The following HEMK2 variants were observed in gnomAD, a reference collection of about 807,000 sequenced individuals.
HEMK2 encodes the protein HemK methyltransferase 2, ETF1 glutamine and histone H4 lysine, also known as methyltransferase HEMK2.
the HEMK2 span, among the ~76,000 whole-genome samples, chr21:28,620,660 C>CT: frequency 1.7e-3 from 86 of 49,650 alleles, 8 homozygotes; most frequent in East Asian, 0.014. Context: ...TCTCTCTTTT[C>CT]TTTTTTTTTT....
chr21:28,614,938 T>C, the HEMK2 span, among the ~76,000 whole-genome samples: 7 of 152,176 alleles, frequency 4.6e-5, no homozygotes, highest in Non-Finnish European at 1.0e-4. Flanking sequence ...TCCCACTCTA[T>C]ATAAAATTCC....
At chr21:28,863,352 C>CA in the HEMK2 span, among the ~76,000 whole-genome samples, 3 of 144,210 alleles carry the variant, frequency 2.1e-5, no homozygotes, top group African/African-American at 7.8e-5. Flanking sequence ...CCTCAGCCTG[C>CA]AGACGGCTTA....
At chr21:28,686,088 G>A in the HEMK2 span, among the ~76,000 whole-genome samples, 1 of 152,184 alleles carries the variant, frequency 6.6e-6, no homozygotes, top group African/African-American at 2.4e-5. Context: ...TATATGCCAG[G>A]CTGAGGCCTA....
At chr21:28,613,369 A>C in the HEMK2 span, among the ~76,000 whole-genome samples, 5 of 152,034 alleles carry the variant, frequency 3.3e-5, no homozygotes, top group South Asian at 6.2e-4. Context: ...GACTGTACAT[A>C]GCTTGCACTC....
At chr21:28,744,679 A>G in the HEMK2 span, among the ~76,000 whole-genome samples, 1 of 152,148 alleles carries the variant, frequency 6.6e-6, no homozygotes, top group Non-Finnish European at 1.5e-5. Context: ...TGAGCTGGGT[A>G]TTTTACATAC....
the HEMK2 span, among the ~76,000 whole-genome samples, chr21:28,769,381 C>A: frequency 6.6e-6 from 1 of 152,030 alleles, no homozygotes; most frequent in African/African-American, 2.4e-5. Context: ...TTTGTTTTCT[C>A]CCCCAAAATG....
At chr21:28,789,101 T>C in the HEMK2 span, among the ~76,000 whole-genome samples, 5 of 152,190 alleles carry the variant, frequency 3.3e-5, no homozygotes. Context: ...AAATAAATTT[T>C]TGTTGTTTTA....
At chr21:28,841,180 T>TATATTATATATAAA in the HEMK2 span, among the ~76,000 whole-genome samples, 1 of 23,656 alleles carries the variant, frequency 4.2e-5, no homozygotes, top group African/African-American at 2.8e-4. Flanking sequence ...AATATATAAA[T>TATATTATATATAAA]ATATATTATA....
At chr21:28,814,499 T>G in the HEMK2 span, among the ~76,000 whole-genome samples, 1 of 149,950 alleles carries the variant, frequency 6.7e-6, no homozygotes, top group African/African-American at 2.5e-5. Context: ...AAAGGGCTAA[T>G]ATCCAGAATC....
chr21:28,880,211 G>A, the HEMK2 span, among the ~76,000 whole-genome samples: 6 of 152,220 alleles, frequency 3.9e-5, no homozygotes, highest in South Asian at 1.2e-3. Flanking sequence ...TTTATATTCT[G>A]GGTTCACTTT....
chr21:28,755,105 G>A, the HEMK2 span, among the ~76,000 whole-genome samples: 2 of 145,404 alleles, frequency 1.4e-5, no homozygotes, highest in Non-Finnish European at 3.0e-5. Context: ...GAAGTCCAGG[G>A]CAGTAGAAGA....
At chr21:28,831,574 A>G in the HEMK2 span, among the ~76,000 whole-genome samples, 1,798 of 40,472 alleles carry the variant, frequency 0.044, 134 homozygotes, top group African/African-American at 0.081. Context: ...AAGGAAAGAA[A>G]GAAAGAAGGA....
chr21:28,880,037 C>A, the HEMK2 span: 1 of 997,060 alleles, frequency 1.0e-6, no homozygotes, highest in Non-Finnish European at 1.5e-6. Flanking sequence ...AATAATCTCC[C>A]ATGTTTTTGG....
the HEMK2 span, among the ~76,000 whole-genome samples, chr21:28,706,279 C>A: frequency 3.3e-5 from 5 of 151,758 alleles, no homozygotes; most frequent in African/African-American, 1.2e-4. Context: ...TAGACAGTTG[C>A]AACTACAAAT....
chr21:28,676,467 C>A, the HEMK2 span, among the ~76,000 whole-genome samples: 1 of 151,454 alleles, frequency 6.6e-6, no homozygotes, highest in African/African-American at 2.4e-5. Flanking sequence ...AGGAGCTGAT[C>A]ATAATCACAA....
At chr21:28,654,062 A>T in the HEMK2 span, among the ~76,000 whole-genome samples, 1 of 152,170 alleles carries the variant, frequency 6.6e-6, no homozygotes. Context: ...AAATGATGTG[A>T]CAATTGTCAA....
the HEMK2 span, among the ~76,000 whole-genome samples, chr21:28,662,819 C>T: frequency 0.027 from 4,120 of 152,200 alleles, 168 homozygotes; most frequent in African/African-American, 0.093. Context: ...GTCAATTAAA[C>T]TTCTTTCCTT....
chr21:28,885,225 C>A, the HEMK2 span: 1 of 1,581,064 alleles, frequency 6.3e-7, no homozygotes, highest in Non-Finnish European at 8.6e-7. Flanking sequence ...GCCAGTTCGG[C>A]AGCCGCTGCC....
At chr21:28,851,707 T>G in the HEMK2 span, among the ~76,000 whole-genome samples, 6 of 152,172 alleles carry the variant, frequency 3.9e-5, no homozygotes, top group African/African-American at 1.4e-4. Context: ...ATCCAATCAG[T>G]ATAATGTCAT....
Sources: allele counts gnomAD v4.1 joint callset (sites outside exome capture counted in the v4.1 genomes callset), GRCh38; gene constraint gnomAD v4.1.1; transcripts MANE v1.5; gene names NCBI Gene and HGNC (gene_info 2026-07-23, HGNC 2026-07-21).